VTI1A: variants seen among roughly 807,000 people sequenced by gnomAD.
The protein encoded by VTI1A is vesicle transport through interaction with t-SNAREs 1A.
Under a neutral mutation model 34.9 loss-of-function variants are expected in VTI1A, and 22 were observed. The ratio of observed to expected loss-of-function variants is 0.63; its 90% CI spans 0.45 to 0.90. The LOEUF (loss-of-function observed/expected upper bound fraction) is 0.90. VTI1A is among the 40% of genes least tolerant of loss of function. The pLI is 0.00. For synonymous variants in VTI1A, 87 were observed against 97.3 expected (o/e 0.89, Z 0.62); for missense variants, 268 against 275.6 (o/e 0.97, Z 0.20).
At chr10:112,462,896 T>TTTTATTTA (rs59884374) in intron 2 of VTI1A, among the ~76,000 whole-genome samples, 5,307 of 144,802 alleles carry the variant, frequency 0.037, 124 homozygotes, top group South Asian at 0.059. Flanking sequence ...TGTTACTGGT[T>TTTTATTTA]TTTATTTATT....
the VTI1A span, among the ~76,000 whole-genome samples, chr10:112,828,748 A>G: frequency 6.6e-6 from 1 of 150,734 alleles, no homozygotes; most frequent in Non-Finnish European, 1.5e-5. Flanking sequence ...ATGGTGTCTC[A>G]TGCCTGTAAT....
intron 5 of VTI1A, among the ~76,000 whole-genome samples, chr10:112,553,381 G>T (rs1022295213): frequency 1.3e-5 from 2 of 152,210 alleles, no homozygotes; most frequent in African/African-American, 4.8e-5. Flanking sequence ...CTATATGGAG[G>T]TTGTCCTGAG....
At chr10:112,548,054 C>A (rs1589889302) in intron 5 of VTI1A, among the ~76,000 whole-genome samples, 1 of 152,026 alleles carries the variant, frequency 6.6e-6, no homozygotes, top group African/African-American at 2.4e-5. Context: ...TTTTGAGGTG[C>A]CTTTTTAATG....
At chr10:112,467,339 A>C (rs989667200) in intron 3 of VTI1A, among the ~76,000 whole-genome samples, 2 of 152,174 alleles carry the variant, frequency 1.3e-5, no homozygotes, top group African/African-American at 4.8e-5. Flanking sequence ...ACCAACAACT[A>C]TGAAACTAAA....
At chr10:112,671,808 T>G (rs926181964) in intron 7 of VTI1A, 1 of 152,208 alleles carries the variant, frequency 6.6e-6, no homozygotes, top group African/African-American at 2.4e-5. Flanking sequence ...CATCTACCAC[T>G]CATGCTTTTT....
At chr10:112,718,705 G>A (rs534048154) in intron 7 of VTI1A, among the ~76,000 whole-genome samples, 1 of 152,264 alleles carries the variant, frequency 6.6e-6, no homozygotes, top group Non-Finnish European at 1.5e-5. Flanking sequence ...GAATGCACCA[G>A]TAATAATAAT....
intron 5 of VTI1A, among the ~76,000 whole-genome samples, chr10:112,625,697 G>A (rs1017215835): frequency 6.7e-6 from 1 of 150,240 alleles, no homozygotes; most frequent in African/African-American, 2.5e-5. Flanking sequence ...TAGGAGCTAG[G>A]CTGTGAGGAT....
At chr10:112,702,894 T>C (rs1399766155) in intron 7 of VTI1A, among the ~76,000 whole-genome samples, 2 of 152,176 alleles carry the variant, frequency 1.3e-5, no homozygotes, top group South Asian at 2.1e-4. Flanking sequence ...CTCTGCCCTA[T>C]TTTTTAACCT....
chr10:112,541,664 T>C (rs1850875504), intron 5 of VTI1A, among the ~76,000 whole-genome samples: 1 of 152,262 alleles, frequency 6.6e-6, no homozygotes, highest in African/African-American at 2.4e-5. Context: ...GAAATCCATC[T>C]TCTAAAATTC....
intron 5 of VTI1A, chr10:112,634,204 G>C: frequency 6.5e-6 from 1 of 154,634 alleles, no homozygotes; most frequent in Middle Eastern, 5.6e-4. Context: ...CCTTGCCTGT[G>C]GCAAGACCAC....
chr10:112,652,704 G>T (rs1284998150), intron 5 of VTI1A, among the ~76,000 whole-genome samples: 1 of 129,372 alleles, frequency 7.7e-6, no homozygotes, highest in African/African-American at 2.9e-5. Context: ...TCTAGCCTGG[G>T]CAACAGAGTG....
intron 7 of VTI1A, among the ~76,000 whole-genome samples, chr10:112,693,988 C>G (rs1211041494): frequency 1.3e-5 from 2 of 152,190 alleles, no homozygotes; most frequent in African/African-American, 4.8e-5. Flanking sequence ...GTGGGCGGAT[C>G]ACAAGGTCAG....
At chr10:112,577,603 C>T (rs1392676081) in intron 5 of VTI1A, among the ~76,000 whole-genome samples, 1 of 152,060 alleles carries the variant, frequency 6.6e-6, no homozygotes, top group African/African-American at 2.4e-5. Context: ...AAATAACATG[C>T]CAAGTAAAAA....
chr10:112,849,490 G>A, the VTI1A span, among the ~76,000 whole-genome samples: 2 of 152,190 alleles, frequency 1.3e-5, no homozygotes, highest in African/African-American at 2.4e-5. Context: ...ACCAGCACAG[G>A]TCTTGAATGG....
intron 7 of VTI1A, among the ~76,000 whole-genome samples, chr10:112,701,950 A>C (rs1178733307): frequency 6.6e-6 from 1 of 152,208 alleles, no homozygotes; most frequent in South Asian, 2.1e-4. Flanking sequence ...GGTGTCATTC[A>C]TAAACTTAAT....
intron 3 of VTI1A, among the ~76,000 whole-genome samples, chr10:112,487,942 C>T (rs776824259): frequency 1.3e-5 from 2 of 152,092 alleles, no homozygotes; most frequent in African/African-American, 2.4e-5. Flanking sequence ...TTAATAGGTA[C>T]ATTTTCTGCC....
intron 5 of VTI1A, among the ~76,000 whole-genome samples, chr10:112,593,880 G>A (rs1844499811): frequency 6.6e-6 from 1 of 150,676 alleles, no homozygotes; most frequent in African/African-American, 2.4e-5. Flanking sequence ...AGGACTACAG[G>A]TGCCCGCCAC....
chr10:112,669,812 G>C (rs537996753), intron 7 of VTI1A, among the ~76,000 whole-genome samples: 15 of 152,240 alleles, frequency 9.9e-5, no homozygotes, highest in Admixed American at 9.2e-4. Context: ...AATAACTAAA[G>C]TCTTGTCTGA....
the VTI1A span, among the ~76,000 whole-genome samples, chr10:112,842,051 C>G: frequency 1.5e-5 from 1 of 66,648 alleles, no homozygotes; most frequent in Admixed American, 1.8e-4. Context: ...TTTTTTTTTC[C>G]TTTTTTTTTT....
Sources: gnomAD v4.1 joint callset for allele counts (sites outside exome capture counted in the v4.1 genomes callset) on GRCh38, gnomAD v4.1.1 for gene constraint, MANE v1.5 for transcripts, NCBI Gene and HGNC (gene_info 2026-07-23, HGNC 2026-07-21) for gene names.